Variants in C1GALT1 observed in about 807,000 individuals in gnomAD.
The protein encoded by C1GALT1 is core 1 synthase, glycoprotein-N-acetylgalactosamine 3-beta-galactosyltransferase 1, also known as glycoprotein-N-acetylgalactosamine 3-beta-galactosyltransferase 1.
A neutral mutation model predicts 31.0 loss-of-function variants in C1GALT1; 11 were observed. The observed-to-expected ratio is 0.36, with a 90% confidence interval of 0.22 to 0.59. C1GALT1 has a LOEUF of 0.59. Among genes scored for constraint, C1GALT1 ranks in the 20% least tolerant of loss-of-function variants. C1GALT1 has a pLI of 0.79. For missense variants in C1GALT1, 424 were observed against 425.2 expected, an observed-to-expected ratio of 1.00 and a Z score of 0.03; for synonymous variants, 175 against 143.6, an observed-to-expected ratio of 1.22 and a Z score of -1.56.
At chr7:7,240,480 A>T (rs1783575109) in intron 3 of C1GALT1, among the ~76,000 whole-genome samples, 1 of 152,134 alleles carries the variant, frequency 6.6e-6, no homozygotes. Flanking sequence ...TATTTTGACC[A>T]TTCCAAGATG....
At chr7:7,206,243 A>G (rs897437185) in intron 1 of C1GALT1, among the ~76,000 whole-genome samples, 1 of 152,200 alleles carries the variant, frequency 6.6e-6, no homozygotes, top group Non-Finnish European at 1.5e-5. Context: ...TTCCAAAGTT[A>G]CAATAATACT....
At chr7:7,218,729 A>G (rs995824202) in intron 1 of C1GALT1, among the ~76,000 whole-genome samples, 8 of 152,340 alleles carry the variant, frequency 5.3e-5, no homozygotes, top group Middle Eastern at 3.4e-3. Context: ...TCCTAGTACA[A>G]TATTTAACAT....
At chr7:7,243,144 A>G (rs1328132894) in intron 3 of C1GALT1, among the ~76,000 whole-genome samples, 1 of 152,154 alleles carries the variant, frequency 6.6e-6, no homozygotes, top group Non-Finnish European at 1.5e-5. Context: ...TATGAGCCAC[A>G]CAAAAAATTA....
chr7:7,176,701 A>G (rs1370953055), intron 2 of C1GALT1, among the ~76,000 whole-genome samples: 3 of 152,250 alleles, frequency 2.0e-5, no homozygotes, highest in South Asian at 2.1e-4. Flanking sequence ...CCTCTGCTCT[A>G]TTCTCCATCT....
intron 1 of C1GALT1, among the ~76,000 whole-genome samples, chr7:7,212,266 C>T (rs6463659): frequency 0.037 from 5,659 of 152,186 alleles, 214 homozygotes; most frequent in African/African-American, 0.11. Context: ...GAGCCCTGTG[C>T]GGGGACTGTG....
intron 1 of C1GALT1, among the ~76,000 whole-genome samples, chr7:7,215,531 G>T (rs1782197692): frequency 6.6e-6 from 1 of 152,186 alleles, no homozygotes; most frequent in African/African-American, 2.4e-5. Flanking sequence ...GCCTTTTTCA[G>T]GTTGGAAGAA....
rs34534187 is a variant in C1GALT1 at position 7,239,115 on chromosome 7, A to G, written c.888+193A>G. ...GCAATCAGCAGTAGTCACTTAGCAA[A>G]TAGCTATTGATGCTGTTATATGCCA... On this transcript the variant is annotated intron_variant, in intron 3 of 3. Coordinates refer to ENST00000436587, the MANE Select transcript of C1GALT1 (RefSeq NM_020156.5). Among the ~76,000 whole-genome samples, 9,663 of 152,296 alleles carry G rather than the reference A, an allele frequency of 0.063. 390 individuals are homozygous for G. The highest frequency in any genetic ancestry group is 0.17 in the East Asian group (892 of 5,186).
intron 1 of C1GALT1, among the ~76,000 whole-genome samples, chr7:7,192,210 G>A (rs1487703305): frequency 2.0e-5 from 3 of 151,406 alleles, no homozygotes; most frequent in Non-Finnish European, 4.4e-5. Context: ...ATGTTTTTTG[G>A]TAATGATTTT....
At chr7:7,174,934 T>TTTAA (rs1780489744) in intron 2 of C1GALT1, among the ~76,000 whole-genome samples, 1 of 152,152 alleles carries the variant, frequency 6.6e-6, no homozygotes, top group Admixed American at 6.6e-5. Context: ...AAAGTTTTTG[T>TTTAA]TTAGTAATTC....
At chr7:7,230,644 T>C (rs1206397294) in intron 1 of C1GALT1, among the ~76,000 whole-genome samples, 1 of 149,916 alleles carries the variant, frequency 6.7e-6, no homozygotes, top group Non-Finnish European at 1.5e-5. Flanking sequence ...TTTTTTAACA[T>C]TGCCTTGATT....
At chr7:7,222,726 C>T (rs1237222255) in intron 1 of C1GALT1, among the ~76,000 whole-genome samples, 1 of 151,964 alleles carries the variant, frequency 6.6e-6, no homozygotes, top group Non-Finnish European at 1.5e-5. Context: ...TTAGTAATGG[C>T]GTTATAGTTT....
Position 7,238,332 on chromosome 7 carries a change from C to A in C1GALT1, c.298C>A (p.Leu100Ile). Residue 100 changes from leucine to isoleucine, a missense_variant, in exon 3 of 4, where the codon CTA becomes ATA. Physicochemically the swap from Leu to Ile is conservative, Grantham distance 5 (BLOSUM62 2). Coordinates refer to ENST00000436587, the MANE Select transcript of C1GALT1 (RefSeq NM_020156.5). This position sits in a 1 kb window ranked among gnomAD's most constrained non-coding sequence, Gnocchi z 5.2. ...CTGGGTTATGACCGGCCCTCAAAACCTAGAGAAAAAGGCCAAACACGTCAA... is the reference window on the plus strand; with the variant it reads ...CTGGGTTATGACCGGCCCTCAAAACATAGAGAAAAAGGCCAAACACGTCAA... ...LCWVMTGPQN[L>I]EKKAKHVKAT... The A allele has an allele frequency of 6.2e-7, 1 of 1,613,934 alleles. No individual in the cohort carries two copies. Among genetic ancestry groups the A allele is most frequent in the Non-Finnish European group, 8.5e-7 (1 of 1,179,940 alleles).
chr7:7,204,865 A>G (rs982356523), intron 1 of C1GALT1, among the ~76,000 whole-genome samples: 12 of 152,044 alleles, frequency 7.9e-5, no homozygotes, highest in African/African-American at 2.9e-4. Flanking sequence ...ATTGATTTCT[A>G]ACTTCATTGT....
At chr7:7,176,110 T>G (rs1249570258) in intron 2 of C1GALT1, among the ~76,000 whole-genome samples, 1 of 152,192 alleles carries the variant, frequency 6.6e-6, no homozygotes, top group Admixed American at 6.5e-5. Context: ...GTATCCATTA[T>G]AATAAGTGAG....
At chr7:7,215,522 C>T (rs555007331) in intron 1 of C1GALT1, among the ~76,000 whole-genome samples, 46 of 152,156 alleles carry the variant, frequency 3.0e-4, no homozygotes, top group African/African-American at 7.9e-4. Context: ...GGAAAATTAG[C>T]CTTTTTCAGG....
upstream of C1GALT1, among the ~76,000 whole-genome samples, chr7:7,179,912 T>A (rs1780551902): frequency 6.6e-6 from 1 of 152,142 alleles, no homozygotes. Context: ...AAAGCGATAT[T>A]TCTTCCATAA....
Position 7,200,034 on chromosome 7 carries a change from A to T in C1GALT1, c.-18+17214A>T, listed in dbSNP as rs185869636. On this transcript the variant is annotated intron_variant, in intron 1 of 3. Coordinates refer to ENST00000436587, the MANE Select transcript of C1GALT1 (RefSeq NM_020156.5). ...GTCTTTTAATTGGAGCATTTAGCCC[A>T]TTTACATTTAAAGTTAATACTGTTA... 2.9e-3 allele frequency among the ~76,000 whole-genome samples: 441 copies of T among 152,292 alleles called. 3 individuals are homozygous for T. The highest frequency in any genetic ancestry group is 5.1e-3 in the Non-Finnish European group (344 of 68,032).
intron 1 of C1GALT1, among the ~76,000 whole-genome samples, chr7:7,207,335 C>CTTTTTT (rs57510429): frequency 0.011 from 516 of 48,012 alleles, 201 homozygotes; most frequent in Non-Finnish European, 0.014. Context: ...TACTCTGTTG[C>CTTTTTT]TTTTTTTTTT....
chr7:7,196,026 T>TTTGTTGTTG (rs55905652), intron 1 of C1GALT1, among the ~76,000 whole-genome samples: 128 of 151,720 alleles, frequency 8.4e-4, no homozygotes, highest in African/African-American at 3.1e-3. Context: ...TGGAATATCT[T>TTTGTTGTTG]TTGTTGTTGT....
Sources: gnomAD v4.1 joint callset for allele counts (sites outside exome capture counted in the v4.1 genomes callset) on GRCh38, gnomAD v4.1.1 for gene constraint, Gnocchi (gnomAD v3.1) non-coding constraint, MANE v1.5 for transcripts, NCBI Gene and HGNC (gene_info 2026-07-23, HGNC 2026-07-21) for gene names.